Variants in MEGF10 observed in about 807,000 individuals in gnomAD.
The protein encoded by MEGF10 is multiple EGF like domains 10.
A neutral mutation model predicts 147.5 loss-of-function variants in MEGF10; 86 were observed. The ratio of observed to expected loss-of-function variants is 0.58; its 90% CI spans 0.49 to 0.70. MEGF10 has a LOEUF of 0.70. MEGF10 is among the 30% of genes least tolerant of loss of function. The probability of loss-of-function intolerance (pLI) is 0.00; values close to 1 mark genes in which losing one functional copy is unlikely to be tolerated. For missense variants in MEGF10, 1,329 were observed against 1,487.3 expected (o/e 0.89, Z 1.75); for synonymous variants, 478 against 525.5 (o/e 0.91, Z 1.24).
At chr5:127,356,751 T>C (rs1473381041) in intron 4 of MEGF10, among the ~76,000 whole-genome samples, 1 of 152,204 alleles carries the variant, frequency 6.6e-6, no homozygotes, top group African/African-American at 2.4e-5. Flanking sequence ...ATCCCTCTAG[T>C]GTGAGATATG....
chr5:127,232,202 T>C, the MEGF10 span, among the ~76,000 whole-genome samples: 8 of 152,246 alleles, frequency 5.3e-5, no homozygotes, highest in Non-Finnish European at 1.2e-4. Flanking sequence ...AAGGAAATAA[T>C]CAAAGCATAT....
chr5:127,322,539 A>C (rs1445532938), intron 1 of MEGF10, among the ~76,000 whole-genome samples: 1 of 152,174 alleles, frequency 6.6e-6, no homozygotes, highest in Non-Finnish European at 1.5e-5. Flanking sequence ...CTTTGACCCT[A>C]ATCACATTTT....
intron 1 of MEGF10, among the ~76,000 whole-genome samples, chr5:127,310,018 TTTTC>T (rs1429115469): frequency 3.7e-5 from 1 of 27,346 alleles, no homozygotes; most frequent in East Asian, 6.2e-4. Context: ...TCCTTTCTTT[TTTTC>T]TTTCTTTCTT....
chr5:127,277,332 G>A, the MEGF10 span, among the ~76,000 whole-genome samples: 1 of 152,198 alleles, frequency 6.6e-6, no homozygotes, highest in African/African-American at 2.4e-5. Context: ...TATAGGAGTT[G>A]GGTGCTCTTG....
At chr5:127,334,805 A>G (rs1252230316) in intron 2 of MEGF10, among the ~76,000 whole-genome samples, 1 of 152,182 alleles carries the variant, frequency 6.6e-6, no homozygotes, top group Non-Finnish European at 1.5e-5. Context: ...TTCAATTACT[A>G]ACACAGAAGG....
chr5:127,390,904 A>G (rs538285143), intron 5 of MEGF10, among the ~76,000 whole-genome samples: 1 of 151,938 alleles, frequency 6.6e-6, no homozygotes, highest in South Asian at 2.1e-4. Flanking sequence ...CTGGATCTCA[A>G]TTTCTTCATC....
At chr5:127,296,334 T>G (rs980977378) in intron 1 of MEGF10, among the ~76,000 whole-genome samples, 7 of 152,192 alleles carry the variant, frequency 4.6e-5, no homozygotes, top group Non-Finnish European at 7.4e-5. Context: ...AGTGATTTCC[T>G]CTCTTATTTC....
chr5:127,454,019 A>G (rs775092366), intron 22 of MEGF10, among the ~76,000 whole-genome samples: 12 of 152,306 alleles, frequency 7.9e-5, no homozygotes, highest in South Asian at 2.1e-4. Context: ...CTCATACACA[A>G]TTATGTCCCC....
At chr5:127,386,550 G>C (rs1409024393) in intron 5 of MEGF10, among the ~76,000 whole-genome samples, 1 of 152,170 alleles carries the variant, frequency 6.6e-6, no homozygotes, top group African/African-American at 2.4e-5. Flanking sequence ...CAATGAAAAA[G>C]ACTAAATGTA....
rs144145310 is a variant in MEGF10 at position 127,419,178 on chromosome 5, G to A, written c.1364G>A (p.Arg455His). ...LGTYGINCSS[R>H]CGCKNDAVCS... Reference sequence around the variant, plus strand: ...ACCTATGGGATAAACTGTTCCTCTCGCTGTGGCTGTAAAAATGATGCAGTC... The same window carrying A: ...ACCTATGGGATAAACTGTTCCTCTCACTGTGGCTGTAAAAATGATGCAGTC... Residue 455 changes from arginine to histidine, a missense_variant, in exon 11 of 25, where the codon CGC becomes CAC. Transcript: ENST00000503335. The A allele has an allele frequency of 5.0e-5, 81 of 1,613,988 alleles. No homozygotes were observed. Among genetic ancestry groups the A allele is most frequent in the African/African-American group, 3.3e-4 (25 of 74,900 alleles).
upstream of MEGF10, among the ~76,000 whole-genome samples, chr5:127,289,600 A>G (rs762089373): frequency 6.6e-6 from 1 of 152,196 alleles, no homozygotes; most frequent in Non-Finnish European, 1.5e-5. Context: ...AAATAAACAA[A>G]CACCAAAACA....
chr5:127,447,208 G>A (rs941430125), intron 20 of MEGF10, among the ~76,000 whole-genome samples: 10 of 152,008 alleles, frequency 6.6e-5, no homozygotes, highest in African/African-American at 1.9e-4. Flanking sequence ...ATGGAGTCTC[G>A]CTCTGTCACC....
At chr5:127,283,379 T>A in the MEGF10 span, among the ~76,000 whole-genome samples, 45 of 152,230 alleles carry the variant, frequency 3.0e-4, no homozygotes, top group Non-Finnish European at 5.6e-4. Flanking sequence ...ATTCATGTCT[T>A]TACTTCTGTG....
At chr5:127,288,155 G>A (rs1007066430), upstream of MEGF10, among the ~76,000 whole-genome samples, 6 of 152,004 alleles carry the variant, frequency 3.9e-5, no homozygotes, top group Admixed American at 2.6e-4. Flanking sequence ...TCTATAAGAA[G>A]CCATAGAAAA....
intron 1 of MEGF10, among the ~76,000 whole-genome samples, chr5:127,330,433 T>A (rs1425401884): frequency 6.6e-6 from 1 of 152,120 alleles, no homozygotes; most frequent in Non-Finnish European, 1.5e-5. Flanking sequence ...TAACTTGAAC[T>A]CCCTAAATGC....
the MEGF10 span, among the ~76,000 whole-genome samples, chr5:127,240,886 TAAC>T: frequency 6.6e-6 from 1 of 152,226 alleles, no homozygotes; most frequent in South Asian, 2.1e-4. Flanking sequence ...TACAATTTAA[TAAC>T]AACATAAAAT....
At chr5:127,434,917 T>C (rs112237031) in intron 15 of MEGF10, 96 bp downstream of exon 15, 1 of 1,068,530 alleles carries the variant, frequency 9.4e-7, no homozygotes, top group South Asian at 2.0e-5. Flanking sequence ...AAGGCCATGT[T>C]TTCAGCTGTC....
At position 127,395,643 on chromosome 5, in the gene MEGF10, C is replaced by T. The variant is rs1763882028; in HGVS notation, c.413-889C>T. On this transcript the variant is annotated intron_variant, in intron 5 of 24. Coordinates refer to ENST00000503335, the MANE Select transcript of MEGF10 (RefSeq NM_001256545.2). ...CACTGCCAGCTCCGCCTCCCGGGTT[C>T]ACGCCATTCTCCTGCCTCAGCCTCC... is the stretch of plus-strand genomic sequence containing the variant. 2.1e-5 allele frequency among the ~76,000 whole-genome samples: 3 copies of T among 146,194 alleles called. No individual in the cohort carries two copies. In the Admixed American group the frequency reaches 2.1e-4, roughly 10 times the overall value.
At chr5:127,284,096 C>G in the MEGF10 span, among the ~76,000 whole-genome samples, 1 of 152,194 alleles carries the variant, frequency 6.6e-6, no homozygotes, top group Non-Finnish European at 1.5e-5. Flanking sequence ...CTGCTCTTCC[C>G]TTTCTTCCTC....
Sources: allele counts gnomAD v4.1 joint callset (sites outside exome capture counted in the v4.1 genomes callset), GRCh38; gene constraint gnomAD v4.1.1; transcripts MANE v1.5; gene names NCBI Gene and HGNC (gene_info 2026-07-23, HGNC 2026-07-21).